BIN3: variants seen among roughly 807,000 people sequenced by gnomAD.
BIN3 encodes bridging integrator 3.
A neutral mutation model predicts 38.2 loss-of-function variants in BIN3; 41 were observed. That is an observed-to-expected ratio of 1.07 (90% CI 0.84 to 1.39). BIN3 has a LOEUF of 1.39. Among genes scored for constraint, BIN3 ranks in the 40% most tolerant of loss-of-function variants. The pLI is 0.00. For missense variants in BIN3, 361 were observed against 324.3 expected, an observed-to-expected ratio of 1.11 and a Z score of -0.87; for synonymous variants, 145 against 122.6, an observed-to-expected ratio of 1.18 and a Z score of -1.21.
At chr8:22,641,577 G>A (rs1190226196) in intron 2 of BIN3, among the ~76,000 whole-genome samples, 2 of 152,184 alleles carry the variant, frequency 1.3e-5, no homozygotes, top group Admixed American at 6.5e-5. Context: ...CCTCCTTCAA[G>A]GGATGCTCTG....
intron 1 of BIN3, among the ~76,000 whole-genome samples, chr8:22,651,311 T>C (rs1802881847): frequency 6.6e-6 from 1 of 152,252 alleles, no homozygotes; most frequent in African/African-American, 2.4e-5. Flanking sequence ...TTCTCTCCTT[T>C]GCATCTTCCG....
rs530682243 is a variant in BIN3 at position 22,621,018 on chromosome 8, C to T, written c.*404G>A. 8.8e-4 allele frequency: 145 copies of T among 164,652 alleles called. 1 individual carries two copies. Among genetic ancestry groups the T allele is most frequent in the African/African-American group, 3.3e-3 (138 of 41,932 alleles). 10.2% of individuals were successfully genotyped at this position (164,652 alleles called of 1,614,324 possible). On this transcript the variant is annotated 3_prime_UTR_variant, in exon 9 of 9. Transcript: ENST00000276416. Reference sequence around the variant, plus strand: ...AAGAGGTTTTGAAGTGAAAAGGCAACGAGGGGCCAGAGGGCTCCCCAGGAT... The same window carrying T: ...AAGAGGTTTTGAAGTGAAAAGGCAATGAGGGGCCAGAGGGCTCCCCAGGAT...
intron 8 of BIN3, among the ~76,000 whole-genome samples, chr8:22,622,119 G>A (rs1404165743): frequency 6.6e-6 from 1 of 152,216 alleles, no homozygotes; most frequent in Non-Finnish European, 1.5e-5. Flanking sequence ...GGTCCCTCTA[G>A]GGAGGCACCA....
chr8:22,635,460 G>A (rs1802337502), intron 4 of BIN3, among the ~76,000 whole-genome samples: 1 of 152,114 alleles, frequency 6.6e-6, no homozygotes, highest in Non-Finnish European at 1.5e-5. Context: ...TCCCAGTGTG[G>A]TATATAGACA....
At chr8:22,632,705 C>CTTT (rs373810993) in intron 4 of BIN3, among the ~76,000 whole-genome samples, 41,966 of 131,884 alleles carry the variant, frequency 0.32, 7,351 homozygotes, top group Middle Eastern at 0.4. Context: ...TTCCACTTTC[C>CTTT]TTTTTTTTTT....
intron 1 of BIN3, among the ~76,000 whole-genome samples, chr8:22,660,004 A>C (rs1212499751): frequency 1.3e-5 from 2 of 152,108 alleles, no homozygotes; most frequent in Non-Finnish European, 2.9e-5. Flanking sequence ...AGGAAACCTG[A>C]AATTATTTTT....
intron 1 of BIN3, among the ~76,000 whole-genome samples, chr8:22,654,567 A>G (rs1389294694): frequency 6.6e-6 from 1 of 152,236 alleles, no homozygotes; most frequent in Non-Finnish European, 1.5e-5. Flanking sequence ...GCACAGAAGT[A>G]GAATTATATT....
At chr8:22,635,171 C>G (rs566765588) in intron 4 of BIN3, among the ~76,000 whole-genome samples, 1 of 152,304 alleles carries the variant, frequency 6.6e-6, no homozygotes, top group Admixed American at 6.5e-5. Context: ...TCCTTCAGGA[C>G]TCTGCCCAGG....
At chr8:22,664,182 C>G (rs1192077281) in intron 1 of BIN3, among the ~76,000 whole-genome samples, 1 of 152,196 alleles carries the variant, frequency 6.6e-6, no homozygotes, top group African/African-American at 2.4e-5. Context: ...AAAGCTTACT[C>G]CGACAGATTT....
chr8:22,644,577 G>A, intron 2 of BIN3, 178 bp downstream of exon 2: 1 of 613,826 alleles, frequency 1.6e-6, no homozygotes, highest in Non-Finnish European at 3.0e-6. Context: ...AAGTGTCCCA[G>A]GACAGGAGGC....
At chr8:22,651,705 C>T (rs1198730829) in intron 1 of BIN3, among the ~76,000 whole-genome samples, 1 of 152,088 alleles carries the variant, frequency 6.6e-6, no homozygotes, top group Non-Finnish European at 1.5e-5. Context: ...TGTATATAAC[C>T]TGTTTTTTAT....
chr8:22,656,117 AAT>A (rs1332206683), intron 1 of BIN3, among the ~76,000 whole-genome samples: 1 of 152,084 alleles, frequency 6.6e-6, no homozygotes, highest in African/African-American at 2.4e-5. Flanking sequence ...CCAGAAGTGC[AAT>A]ATATTTATAG....
chr8:22,624,873 G>A (rs1801957808), intron 6 of BIN3: 1 of 209,226 alleles, frequency 4.8e-6, no homozygotes, highest in Non-Finnish European at 9.7e-6. Context: ...GGCAGAGAAG[G>A]TCTAGAAGAG....
intron 1 of BIN3, among the ~76,000 whole-genome samples, chr8:22,664,840 A>T (rs1803361331): frequency 6.6e-6 from 1 of 152,264 alleles, no homozygotes; most frequent in Admixed American, 6.5e-5. Context: ...AGCACTCTAC[A>T]CATGTGAGAC....
At chr8:22,637,761 C>A (rs1802420128) in intron 2 of BIN3, among the ~76,000 whole-genome samples, 1 of 152,192 alleles carries the variant, frequency 6.6e-6, no homozygotes, top group African/African-American at 2.4e-5. Context: ...GCAAAGGAGA[C>A]TAAGCTAGAG....
intron 1 of BIN3, among the ~76,000 whole-genome samples, chr8:22,648,816 A>G (rs1272883798): frequency 2.0e-5 from 3 of 152,112 alleles, no homozygotes; most frequent in Admixed American, 6.5e-5. Context: ...CATTATTTTG[A>G]TGCTCAAACT....
chr8:22,643,127 C>A (rs1430418136), intron 2 of BIN3, among the ~76,000 whole-genome samples: 1 of 152,198 alleles, frequency 6.6e-6, no homozygotes, highest in Non-Finnish European at 1.5e-5. Flanking sequence ...AAACCACTTC[C>A]CTTTCAGATC....
intron 8 of BIN3, among the ~76,000 whole-genome samples, chr8:22,622,939 A>T (rs933389236): frequency 1.3e-5 from 2 of 152,200 alleles, no homozygotes; most frequent in African/African-American, 4.8e-5. Flanking sequence ...AACCCTGCTC[A>T]GGTGTCCTGA....
intron 2 of BIN3, among the ~76,000 whole-genome samples, chr8:22,640,284 T>G (rs1412521002): frequency 6.6e-6 from 1 of 151,754 alleles, no homozygotes; most frequent in Non-Finnish European, 1.5e-5. Flanking sequence ...CTCAAGCAAT[T>G]CTCATGCCTC....
Sources: allele counts gnomAD v4.1 joint callset (sites outside exome capture counted in the v4.1 genomes callset), GRCh38; gene constraint gnomAD v4.1.1; transcripts MANE v1.5; gene names NCBI Gene and HGNC (gene_info 2026-07-23, HGNC 2026-07-21).